MUC12: variants seen among roughly 807,000 people sequenced by gnomAD.
MUC12 encodes the protein mucin 12, cell surface associated.
MUC12 carries 172 observed loss-of-function variants against 230.8 expected under a neutral mutation model. That is an observed-to-expected ratio of 0.75 (90% CI 0.66 to 0.85). The LOEUF (loss-of-function observed/expected upper bound fraction) is 0.85, where lower values mean the gene tolerates loss of function less well. Ranked by LOEUF, MUC12 falls within the 40% of genes least tolerant of loss-of-function variation. The pLI is 0.00. For missense variants in MUC12, 3,506 were observed against 5,920.6 expected, an observed-to-expected ratio of 0.59 and a Z score of 13.38; for synonymous variants, 1,259 against 2,401.9, an observed-to-expected ratio of 0.52 and a Z score of 13.91.
intron 1 of MUC12, among the ~76,000 whole-genome samples, chr7:100,983,415 G>A (rs1176186278): frequency 4.1e-5 from 6 of 146,914 alleles, no homozygotes; most frequent in East Asian, 2.0e-4. Flanking sequence ...GCGAGACTCC[G>A]TTAAAAAAAA....
intron 1 of MUC12, among the ~76,000 whole-genome samples, chr7:100,980,515 G>A (rs1793089912): frequency 6.6e-6 from 1 of 152,152 alleles, no homozygotes; most frequent in South Asian, 2.1e-4. Context: ...TTGGACATGT[G>A]TACCTCTGTT....
intron 1 of MUC12, among the ~76,000 whole-genome samples, chr7:100,971,875 T>C (rs922828846): frequency 2.0e-5 from 3 of 152,308 alleles, no homozygotes; most frequent in African/African-American, 7.2e-5. Context: ...GCATTGCCTC[T>C]GTGTACCCAG....
intron 3 of MUC12, among the ~76,000 whole-genome samples, chr7:101,006,913 T>G (rs1033187838): frequency 6.6e-6 from 1 of 152,228 alleles, no homozygotes; most frequent in African/African-American, 2.4e-5. Flanking sequence ...CTCAAGCATT[T>G]AACCTTTATG....
Position 101,004,698 on chromosome 7 carries a change from C to T in MUC12, c.14135C>T (p.Thr4712Ile). 3.3e-6 allele frequency: 5 copies of T among 1,537,846 alleles called. No individual in the cohort carries two copies. Among genetic ancestry groups the T allele is most frequent in the South Asian group, 2.4e-5 (2 of 84,056 alleles). Residue 4712 changes from threonine (T) to isoleucine (I), a missense_variant, in exon 2 of 12, where the codon ACC (threonine) becomes ATC (isoleucine). Coordinates refer to ENST00000536621, the MANE Select transcript of MUC12 (RefSeq NM_001164462.2). ...FTTSGRIAES[T>I]TFYISPGSME... ...ACCTCAGGCCGCATTGCAGAATCTA[C>T]CACCTTCTATATCTCTCCAGGCTCA...
In MUC12 at chr7:100,988,252, C is replaced by T. The variant is rs529568665; in HGVS notation, c.68-2379C>T. Among the ~76,000 whole-genome samples, 763 of 144,186 alleles carry T rather than the reference C, an allele frequency of 5.3e-3. 3 individuals are homozygous for T. The highest frequency in any genetic ancestry group is 7.8e-3 in the Non-Finnish European group (521 of 66,932). The allele number at this position is 144,186 out of a possible 152,430, so 94.6% of individuals were successfully genotyped here. A position where few individuals can be genotyped will look rare whatever the true frequency, so the allele number is the denominator to read the frequency against. ...CGGAGGTTGCAATGAGCCGAGATCGCGCCAATGCACTCCAGCCTGGGTGAC... is the reference window on the plus strand; with the variant it reads ...CGGAGGTTGCAATGAGCCGAGATCGTGCCAATGCACTCCAGCCTGGGTGAC... On this transcript the variant is annotated intron_variant, in intron 1 of 11. Coordinates refer to ENST00000536621, the MANE Select transcript of MUC12 (RefSeq NM_001164462.2).
At position 101,013,058 on chromosome 7, in the gene MUC12, T is replaced by G; in HGVS notation, c.15554T>G (p.Val5185Gly). ...GTCTTGGATGGGAAGCTGGCCTGTGTGAACAAGTGCACCAAAGGAACGAAG... is the reference window on the plus strand; with the variant it reads ...GTCTTGGATGGGAAGCTGGCCTGTGGGAACAAGTGCACCAAAGGAACGAAG... ...VDVLDGKLAC[V>G]NKCTKGTKSQ... The change falls in exon 8 of 12, where the codon GTG (valine) becomes GGG (glycine). Residue 5185 changes from valine (V) to glycine (G), a missense_variant. Val to Gly is a moderately radical substitution (Grantham distance 109). Transcript: ENST00000536621. 2 of 1,537,344 alleles carry G rather than the reference T, an allele frequency of 1.3e-6. No individual in the cohort carries two copies. Among genetic ancestry groups the G allele is most frequent in the Non-Finnish European group, 8.7e-7 (1 of 1,146,936 alleles).
At chr7:100,977,023 C>A (rs1793042203) in intron 1 of MUC12, among the ~76,000 whole-genome samples, 1 of 134,540 alleles carries the variant, frequency 7.4e-6, no homozygotes, top group Non-Finnish European at 1.5e-5. Context: ...TGCGCTCCAG[C>A]CTTGGTGACA....
chr7:100,972,852 A>G (rs79762862), intron 1 of MUC12: 2 of 628,812 alleles, frequency 3.2e-6, no homozygotes, highest in Non-Finnish European at 5.7e-6. Flanking sequence ...TTTTCTGGGT[A>G]CTCCAGGGCA....
Position 101,012,898 on chromosome 7 carries a change from A to T in MUC12, c.15475+8A>T. The T allele has an allele frequency of 6.5e-7, 1 of 1,537,244 alleles. No individual in the cohort carries two copies. Among genetic ancestry groups the T allele is most frequent in the Non-Finnish European group, 8.7e-7 (1 of 1,146,904 alleles). The stretch of plus-strand genomic sequence containing the variant: ...CGGGCTTTGACTTCCAGGGTAAGCG[A>T]CTACGTGGAGCGTGGGCACTAAGAG... On this transcript the variant is annotated splice_region_variant and intron_variant, in intron 7 of 11. Transcript: ENST00000536621.
intron 5 of MUC12, among the ~76,000 whole-genome samples, chr7:101,010,228 G>A (rs1331920247): frequency 2.0e-5 from 3 of 152,082 alleles, no homozygotes; most frequent in East Asian, 1.9e-4. Flanking sequence ...GGGTAGAATG[G>A]GGGAAGGAGA....
In MUC12 at chr7:101,002,730, C is replaced by G. The variant is rs1793627700; in HGVS notation, c.12167C>G (p.Thr4056Ser). ...VEASTPTHSS[T>S]GSLHTTLTPA... is the part of the protein sequence containing the mutation. ...GCATCTACACCCACCCACAGCAGCA[C>G]TGGCTCGCTACACACAACACTGACC... Residue 4056 changes from threonine (T) to serine (S), a missense_variant, in exon 2 of 12, where the codon ACT becomes AGT. Transcript: ENST00000536621. The G allele has an allele frequency of 6.6e-7, 1 of 1,526,608 alleles. No individual in the cohort carries two copies. Among genetic ancestry groups the G allele is most frequent in the African/African-American group, 1.4e-5 (1 of 71,720 alleles). The allele number at this position is 1,526,608 out of a possible 1,614,324, so 94.6% of individuals were successfully genotyped here. A position where few individuals can be genotyped will look rare whatever the true frequency, so the allele number is the denominator to read the frequency against.
chr7:101,009,493 G>T (rs557067883), intron 5 of MUC12, among the ~76,000 whole-genome samples: 1 of 152,278 alleles, frequency 6.6e-6, no homozygotes, highest in Non-Finnish European at 1.5e-5. Flanking sequence ...CCTGGGAGAG[G>T]TCCCAAAAGC....
At position 101,004,361 on chromosome 7, in the gene MUC12, G is replaced by A. The variant is rs778808857; in HGVS notation, c.13798G>A (p.Glu4600Lys). 5.5e-5 allele frequency: 78 copies of A among 1,429,384 alleles called. No homozygotes were observed. The highest frequency in any genetic ancestry group is 7.0e-5 in the Non-Finnish European group (76 of 1,080,460). 88.5% of individuals were successfully genotyped at this position (1,429,384 alleles called of 1,614,324 possible). Residue 4600 changes from glutamate to lysine, a missense_variant, in exon 2 of 12, where the codon GAA becomes AAA. Coordinates refer to ENST00000536621, the MANE Select transcript of MUC12 (RefSeq NM_001164462.2). Reference protein sequence around the residue: ...PARSTTSGLVEESTAYHSSPG... With the variant: ...PARSTTSGLVKESTAYHSSPG... ...CCGCTCCACAACCTCAGGCCTCGTT[G>A]AAGAATCTACGGCGTACCACAGCAG...
At position 100,978,680 on chromosome 7, in the gene MUC12, G is replaced by T. The variant is rs547817237; in HGVS notation, c.67+8991G>T. On this transcript the variant is annotated intron_variant, in intron 1 of 11. Coordinates refer to ENST00000536621, the MANE Select transcript of MUC12 (RefSeq NM_001164462.2). ...CAAGCAGAAATATGTCCTGGAGGTG[G>T]CAGGAGGAGACAGTTTCAAAGCTTG... Among the ~76,000 whole-genome samples, 17 of 152,270 alleles carry T rather than the reference G, an allele frequency of 1.1e-4. 1 individual carries two copies. In the East Asian group the frequency reaches 3.3e-3, roughly 29 times the overall value.
At chr7:100,974,676 T>G (rs1289492284) in intron 1 of MUC12, among the ~76,000 whole-genome samples, 1 of 152,128 alleles carries the variant, frequency 6.6e-6, no homozygotes, top group South Asian at 2.1e-4. Context: ...CAGAAAAAAA[T>G]TAGCTGTGTG....
At chr7:101,007,702 A>C (rs1793776449) in intron 3 of MUC12, among the ~76,000 whole-genome samples, 1 of 152,242 alleles carries the variant, frequency 6.6e-6, no homozygotes, top group South Asian at 2.1e-4. Context: ...GAACAGCAAC[A>C]AACATGGGAG....
intron 1 of MUC12, among the ~76,000 whole-genome samples, chr7:100,988,241 A>G (rs1267025578): frequency 6.9e-6 from 1 of 145,044 alleles, no homozygotes; most frequent in African/African-American, 2.6e-5. Flanking sequence ...GGTTGCAATG[A>G]GCCGAGATCG....
chr7:100,989,297 T>C (rs1438339958), intron 1 of MUC12, among the ~76,000 whole-genome samples: 1 of 151,988 alleles, frequency 6.6e-6, no homozygotes, highest in African/African-American at 2.4e-5. Context: ...TTAGTAGAGA[T>C]GAGTTTCACA....
chr7:101,015,748 G>GCGGT, intron 10 of MUC12, 57 bp downstream of exon 10: 1 of 1,471,878 alleles, frequency 6.8e-7, no homozygotes, highest in South Asian at 1.2e-5. Flanking sequence ...GAAAGGCAGG[G>GCGGT]CGGTGCCTGT....
Sources: gnomAD v4.1 joint callset for allele counts (sites outside exome capture counted in the v4.1 genomes callset) on GRCh38, gnomAD v4.1.1 for gene constraint, MANE v1.5 for transcripts, NCBI Gene and HGNC (gene_info 2026-07-23, HGNC 2026-07-21) for gene names.